C9: variants seen among roughly 807,000 people sequenced by gnomAD.
C9 encodes the protein complement C9.
In C9, 63 loss-of-function variants were observed where a neutral mutation model predicts 65.4. The ratio of observed to expected loss-of-function variants is 0.96; its 90% CI spans 0.79 to 1.19. The LOEUF (loss-of-function observed/expected upper bound fraction) is 1.19. Among genes scored for constraint, C9 ranks in the 50% most tolerant of loss-of-function variants. C9 has a pLI of 0.00. For missense variants in C9, 744 were observed against 670.1 expected, an observed-to-expected ratio of 1.11 and a Z score of -1.22; for synonymous variants, 229 against 227.9, an observed-to-expected ratio of 1.00 and a Z score of -0.04.
intron 4 of C9, among the ~76,000 whole-genome samples, chr5:39,334,273 G>A (rs1030300494): frequency 8.5e-4 from 128 of 151,354 alleles, no homozygotes; most frequent in Non-Finnish European, 1.6e-3. Flanking sequence ...CGCCCCGTCT[G>A]GGATGTGAGA....
chr5:39,363,545 T>C lies in C9; in HGVS notation c.77+843A>G, dbSNP rs1156854863. ...AGAGGAACAGGGCTTGGGCAGACAT[T>C]TCCCCCCAGCCACACTGTTGAAGTG... On this transcript the variant is annotated intron_variant, in intron 1 of 10. Coordinates refer to ENST00000263408, the MANE Select transcript of C9 (RefSeq NM_001737.5). Among the ~76,000 whole-genome samples, 6 of 152,194 alleles carry C rather than the reference T, an allele frequency of 3.9e-5. No homozygotes were observed. In the South Asian group the frequency reaches 1.2e-3, roughly 32 times the overall value.
chr5:39,319,192 A>G (rs1282233405), intron 5 of C9, among the ~76,000 whole-genome samples: 2 of 152,204 alleles, frequency 1.3e-5, no homozygotes, highest in African/African-American at 4.8e-5. Context: ...TCCTGATATA[A>G]CAGACTAACA....
intron 3 of C9, 28 bp from the exon 4 acceptor site, chr5:39,341,321 T>C (rs1051808266): frequency 2.5e-6 from 4 of 1,611,916 alleles, no homozygotes; most frequent in Non-Finnish European, 3.4e-6. Flanking sequence ...AGAGACTCAA[T>C]GTATCTAATG....
intron 7 of C9, 132 bp from the exon 8 acceptor site, chr5:39,308,490 T>A (rs1023062265): frequency 5.2e-5 from 37 of 717,082 alleles, no homozygotes; most frequent in Middle Eastern, 3.5e-4. Flanking sequence ...AAATGTGCCA[T>A]CATGTCTGTC....
At chr5:39,317,806 G>C (rs1753597169) in intron 5 of C9, among the ~76,000 whole-genome samples, 1 of 151,924 alleles carries the variant, frequency 6.6e-6, no homozygotes, top group Admixed American at 6.6e-5. Context: ...TTTTTGCTTA[G>C]AATTATCTTG....
chr5:39,303,444 A>G (rs1753318029), intron 9 of C9, among the ~76,000 whole-genome samples: 1 of 151,856 alleles, frequency 6.6e-6, no homozygotes, highest in Non-Finnish European at 1.5e-5. Context: ...TACCTAACAG[A>G]GCATGGCTAT....
chr5:39,289,468 T>C (rs1475135016), intron 9 of C9, among the ~76,000 whole-genome samples: 1 of 151,418 alleles, frequency 6.6e-6, no homozygotes, highest in Non-Finnish European at 1.5e-5. Flanking sequence ...AAAGTCTAAA[T>C]TCATTGAGAA....
rs1299517133 is a variant in C9 at position 39,364,478 on chromosome 5, G to T, written c.-14C>A. 3 of 1,578,610 alleles carry T rather than the reference G, an allele frequency of 1.9e-6. No homozygotes were observed. The highest frequency in any genetic ancestry group is 2.6e-6 in the Non-Finnish European group (3 of 1,149,480). On this transcript the variant is annotated 5_prime_UTR_variant, in exon 1 of 11. Transcript: ENST00000263408. ...GCAGGCTGACATGCTGCTCTTGCTG[G>T]GTGGCTGCGAGTGGGGTGGCAGGGC... is the stretch of plus-strand genomic sequence containing the variant.
intron 6 of C9, among the ~76,000 whole-genome samples, chr5:39,314,158 C>T (rs1188636836): frequency 2.8e-4 from 43 of 152,036 alleles, no homozygotes; most frequent in Non-Finnish European, 1.8e-4. Flanking sequence ...CTATTAAAAA[C>T]CCTCAAGTAG....
At chr5:39,287,898 G>A (rs980783848) in intron 10 of C9, among the ~76,000 whole-genome samples, 2 of 151,822 alleles carry the variant, frequency 1.3e-5, no homozygotes, top group African/African-American at 2.4e-5. Context: ...TGGGTGATGC[G>A]TACACCAGAG....
chr5:39,299,261 T>A (rs564467913), intron 9 of C9, among the ~76,000 whole-genome samples: 63 of 152,164 alleles, frequency 4.1e-4, no homozygotes, highest in African/African-American at 1.5e-3. Flanking sequence ...TGGAAAAAAA[T>A]TTGGCTATTT....
rs1202471796 is a variant in C9 at position 39,331,761 on chromosome 5, T to C, written c.530A>G (p.Tyr177Cys). The change falls in exon 5 of 11, where the codon TAC becomes TGC. Residue 177 changes from tyrosine to cysteine, a missense_variant. Transcript: ENST00000263408. ...CCGATCCCGGTTACAGAGTCCATTG[T>C]AGAACTCATTGTCAAAAGGTGTGCT... ...PLSTPFDNEF[Y>C]NGLCNRDRDG... is the part of the protein sequence containing the mutation. 3 of 1,612,652 alleles carry C rather than the reference T, an allele frequency of 1.9e-6. No individual in the cohort carries two copies. The highest frequency in any genetic ancestry group is 2.5e-6 in the Non-Finnish European group (3 of 1,178,616).
In C9 at chr5:39,341,590, C is replaced by T. The variant is rs1221693102; in HGVS notation, c.294G>A (p.Glu98=). The T allele has an allele frequency of 2.5e-6, 4 of 1,614,118 alleles. No homozygotes were observed. The South Asian group carries it at 4.4e-5, about 18-fold the overall frequency. The part of the protein sequence containing the change: ...CVPTEPCEDA[E]DDCGNDFQCS... ...ATTGAAAGTCATTTCCGCAGTCATC[C>T]TCAGCATCCTCACAGGGCTCTGTGG... Residue 98 remains glutamate, a synonymous_variant, in exon 3 of 11, where the codon GAG becomes GAA. Transcript: ENST00000263408.
chr5:39,357,015 T>A (rs1426479266), intron 1 of C9, among the ~76,000 whole-genome samples: 2 of 152,206 alleles, frequency 1.3e-5, no homozygotes, highest in African/African-American at 2.4e-5. Context: ...TAGATCAAAG[T>A]GATGTACATC....
In C9 at chr5:39,321,823, C is replaced by A. The variant is rs566753010; in HGVS notation, c.616-5794G>T. On this transcript the variant is annotated intron_variant, in intron 5 of 10. Transcript: ENST00000263408. ...GTCAGAGGATATTTAAATTTCTAGACACCCAACATCAGAGCACCTAAATGT... is the reference window on the plus strand; with the variant it reads ...GTCAGAGGATATTTAAATTTCTAGAAACCCAACATCAGAGCACCTAAATGT... Among the ~76,000 whole-genome samples, 70 of 152,134 alleles carry A rather than the reference C, an allele frequency of 4.6e-4. 1 individual carries two copies. The highest frequency in any genetic ancestry group is 8.1e-4 in the Non-Finnish European group (55 of 67,908).
intron 5 of C9, among the ~76,000 whole-genome samples, chr5:39,316,563 A>G (rs895672198): frequency 6.6e-6 from 1 of 152,076 alleles, no homozygotes; most frequent in South Asian, 2.1e-4. Context: ...TGTTCTGATC[A>G]TTCAGCTCCC....
intron 5 of C9, among the ~76,000 whole-genome samples, chr5:39,317,878 C>T (rs954136734): frequency 6.6e-6 from 1 of 151,124 alleles, no homozygotes; most frequent in Non-Finnish European, 1.5e-5. Flanking sequence ...TTTCTAATTC[C>T]ATGAACAATG....
At position 39,357,969 on chromosome 5, in the gene C9, G is replaced by C. The variant is rs1428623969; in HGVS notation, c.77+6419C>G. Among the ~76,000 whole-genome samples, 8 of 152,146 alleles carry C rather than the reference G, an allele frequency of 5.3e-5. No individual in the cohort carries two copies. In the East Asian group the frequency reaches 1.5e-3, roughly 29 times the overall value. ...CACCTACGAGCATGGGGTGGAGAGAGAGAGAGAGAGATATTCCTAAAGACA... is the reference window on the plus strand; with the variant it reads ...CACCTACGAGCATGGGGTGGAGAGACAGAGAGAGAGATATTCCTAAAGACA... On this transcript the variant is annotated intron_variant, in intron 1 of 10. Transcript: ENST00000263408.
At chr5:39,317,064 T>C (rs141887633) in intron 5 of C9, among the ~76,000 whole-genome samples, 3,376 of 152,330 alleles carry the variant, frequency 0.022, 117 homozygotes, top group African/African-American at 0.077. Context: ...TGGTATCTCA[T>C]TGTGGTTTTG....
Sources: gnomAD v4.1 joint callset for allele counts (sites outside exome capture counted in the v4.1 genomes callset) on GRCh38, gnomAD v4.1.1 for gene constraint, MANE v1.5 for transcripts, NCBI Gene and HGNC (gene_info 2026-07-23, HGNC 2026-07-21) for gene names.